ITIH5: variants seen among roughly 807,000 people sequenced by gnomAD.
The protein encoded by ITIH5 is inter-alpha-trypsin inhibitor heavy chain H5.
A neutral mutation model predicts 77.5 loss-of-function variants in ITIH5; 65 were observed. The observed-to-expected ratio is 0.84, with a 90% CI of 0.69 to 1.03. ITIH5 has a LOEUF of 1.03. Ranked by LOEUF, ITIH5 falls within the 50% of genes least tolerant of loss-of-function variation. The pLI is 0.00. For synonymous variants in ITIH5, 525 were observed against 494.3 expected, an observed-to-expected ratio of 1.06 and a Z score of -0.82; for missense variants, 1,208 against 1,213.1, an observed-to-expected ratio of 1.00 and a Z score of 0.06.
intron 5 of ITIH5, among the ~76,000 whole-genome samples, chr10:7,632,545 AT>A (rs1048778704): frequency 9.9e-5 from 15 of 152,248 alleles, no homozygotes; most frequent in African/African-American, 3.4e-4. Flanking sequence ...GCAGAAAAAA[AT>A]AATCAGCATT....
Position 7,586,035 on chromosome 10 carries a change from A to C in ITIH5, c.974T>G (p.Leu325Arg), listed in dbSNP as rs1564245689. 6.2e-7 allele frequency: 1 copy of C among 1,613,756 alleles called. No individual in the cohort carries two copies. Among genetic ancestry groups the C allele is most frequent in the Admixed American group, 1.7e-5 (1 of 59,948 alleles). ...GATACTGAAACGGTCCTGGGGTCGGAGGTCATGGAGAATTGTGAAGAGGGC... is the reference window on the plus strand; with the variant it reads ...GATACTGAAACGGTCCTGGGGTCGGCGGTCATGGAGAATTGTGAAGAGGGC... ...KDALFTILHD[L>R]RPQDRFSIIG... The change falls in exon 8 of 14, where the codon CTC (leucine) becomes CGC (arginine). Residue 325 changes from leucine (L) to arginine (R), a missense_variant. Transcript: ENST00000397146.
intron 1 of ITIH5, among the ~76,000 whole-genome samples, chr10:7,662,914 T>TCC (rs569303860): frequency 1.1e-4 from 17 of 151,952 alleles, no homozygotes; most frequent in Non-Finnish European, 1.8e-4. Flanking sequence ...GTTGTTTTTT[T>TCC]CCCCCCCAAA....
chr10:7,614,874 G>A (rs755638130), intron 7 of ITIH5, among the ~76,000 whole-genome samples: 19 of 152,174 alleles, frequency 1.2e-4, no homozygotes, highest in Non-Finnish European at 8.8e-5. Context: ...GGAGGTGGAC[G>A]CAGGTTGGAC....
In ITIH5 at chr10:7,628,954, C is replaced by T. The variant is rs1420232411; in HGVS notation, c.652+8274G>A. ...GTTTTCACATGTGTCCATGTTGTAGCGTGTGTCCGTGTTGTAGCATGTGTC... is the reference window on the plus strand; with the variant it reads ...GTTTTCACATGTGTCCATGTTGTAGTGTGTGTCCGTGTTGTAGCATGTGTC... On this transcript the variant is annotated intron_variant, in intron 5 of 13. Coordinates refer to ENST00000397146, the MANE Select transcript of ITIH5 (RefSeq NM_030569.7). Among the ~76,000 whole-genome samples, 17 of 131,484 alleles carry T rather than the reference C, an allele frequency of 1.3e-4. 3 individuals are homozygous for T. Among genetic ancestry groups the T allele is most frequent in the Non-Finnish European group, 2.1e-4 (12 of 58,534 alleles). 86.3% of individuals were successfully genotyped at this position (131,484 alleles called of 152,430 possible). A position where few individuals can be genotyped will look rare whatever the true frequency, so the allele number is the denominator to read the frequency against.
At chr10:7,626,975 C>A (rs751271024) in intron 5 of ITIH5, among the ~76,000 whole-genome samples, 2 of 152,196 alleles carry the variant, frequency 1.3e-5, no homozygotes, top group Non-Finnish European at 2.9e-5. Context: ...ACTGTCATAA[C>A]CAACAATTAT....
At chr10:7,604,114 C>A (rs1322034665) in intron 7 of ITIH5, among the ~76,000 whole-genome samples, 1 of 152,170 alleles carries the variant, frequency 6.6e-6, no homozygotes, top group African/African-American at 2.4e-5. Flanking sequence ...TTCCTTGATT[C>A]CATGGTAGTG....
At position 7,562,992 on chromosome 10, in the gene ITIH5, G is replaced by A; in HGVS notation, c.*91C>T. On this transcript the variant is annotated 3_prime_UTR_variant, in exon 14 of 14. Coordinates refer to ENST00000397146, the MANE Select transcript of ITIH5 (RefSeq NM_030569.7). ...CATGGAGTCCAGCTAATTGCCAGGAGCTGAGGCGTGTACAAGCCATGAAAA... is the reference window on the plus strand; with the variant it reads ...CATGGAGTCCAGCTAATTGCCAGGAACTGAGGCGTGTACAAGCCATGAAAA... The A allele has an allele frequency of 8.8e-7, 1 of 1,140,544 alleles. No homozygotes were observed. The highest frequency in any genetic ancestry group is 1.3e-6 in the Non-Finnish European group (1 of 759,180). The allele number at this position is 1,140,544 out of a possible 1,614,324, so 70.7% of individuals were successfully genotyped here.
chr10:7,644,348 A>T (rs201684527), intron 2 of ITIH5, among the ~76,000 whole-genome samples: 2,412 of 145,292 alleles, frequency 0.017, 41 homozygotes, highest in Non-Finnish European at 0.026. Flanking sequence ...CACATATATC[A>T]CATATATATC....
At chr10:7,630,536 A>T (rs1288987587) in intron 5 of ITIH5, among the ~76,000 whole-genome samples, 1 of 152,150 alleles carries the variant, frequency 6.6e-6, no homozygotes, top group Non-Finnish European at 1.5e-5. Context: ...GGGTGTGAGA[A>T]GTGGTTTTGG....
intron 5 of ITIH5, among the ~76,000 whole-genome samples, chr10:7,631,792 T>TA (rs1416709739): frequency 6.7e-6 from 1 of 150,334 alleles, no homozygotes; most frequent in African/African-American, 2.5e-5. Context: ...TTGTTTAATT[T>TA]TTTTTTTTTT....
At chr10:7,633,541 T>C (rs1833745217) in intron 5 of ITIH5, among the ~76,000 whole-genome samples, 2 of 152,188 alleles carry the variant, frequency 1.3e-5, no homozygotes, top group Admixed American at 1.3e-4. Flanking sequence ...AGGGTATAAC[T>C]TGGAATAAAA....
intron 8 of ITIH5, among the ~76,000 whole-genome samples, chr10:7,583,888 G>A (rs901643881): frequency 6.6e-6 from 1 of 152,160 alleles, no homozygotes; most frequent in African/African-American, 2.4e-5. Flanking sequence ...AAACAGACAG[G>A]AGCTGTCATC....
Position 7,617,226 on chromosome 10 carries a change from T to C in ITIH5, c.709A>G (p.Ile237Val), listed in dbSNP as rs1350091923. Residue 237 changes from isoleucine to valine, a missense_variant, in exon 6 of 14, where the codon ATA becomes GTA. Ile to Val is a conservative substitution (Grantham distance 29). Transcript: ENST00000397146. ...TGTACTACAGTAGGTTTAAAAATTA[T>C]GTTGGCAAATGTTTCATTTTGGTTA... Reference protein sequence around the residue: ...VINQNETFANIIFKPTVVQQA... With the variant: ...VINQNETFANVIFKPTVVQQA... 1 of 1,600,898 alleles carries C rather than the reference T, an allele frequency of 6.2e-7. No individual in the cohort carries two copies. Among genetic ancestry groups the C allele is most frequent in the East Asian group, 2.3e-5 (1 of 43,828 alleles).
chr10:7,585,268 G>A (rs1832648864), intron 8 of ITIH5, among the ~76,000 whole-genome samples: 1 of 152,176 alleles, frequency 6.6e-6, no homozygotes, highest in Non-Finnish European at 1.5e-5. Context: ...TTAACATCTA[G>A]GACAGCTGGT....
intron 7 of ITIH5, among the ~76,000 whole-genome samples, chr10:7,590,237 C>T (rs1444074381): frequency 6.6e-6 from 1 of 152,168 alleles, no homozygotes; most frequent in Non-Finnish European, 1.5e-5. Context: ...TGGTCCAAGG[C>T]GGAAGCCTGG....
intron 7 of ITIH5, among the ~76,000 whole-genome samples, chr10:7,597,790 CA>C (rs1832936309): frequency 6.6e-6 from 1 of 152,154 alleles, no homozygotes; most frequent in South Asian, 2.1e-4. Context: ...TACAAGATTA[CA>C]AAAACTTATT....
intron 5 of ITIH5, among the ~76,000 whole-genome samples, chr10:7,635,441 G>A (rs1439796596): frequency 6.6e-6 from 1 of 152,082 alleles, no homozygotes; most frequent in African/African-American, 2.4e-5. Flanking sequence ...TAACCATACA[G>A]CTACCACCTG....
intron 7 of ITIH5, among the ~76,000 whole-genome samples, chr10:7,601,139 T>C (rs1459318372): frequency 6.6e-6 from 1 of 152,202 alleles, no homozygotes; most frequent in Non-Finnish European, 1.5e-5. Flanking sequence ...ATTTTACTTA[T>C]CCATCTTTCT....
chr10:7,574,875 C>A lies in ITIH5; in HGVS notation c.1978+1578G>T, dbSNP rs564102442. ...CTCCTCCTCTGTCTTTCTGGCCCCC[C>A]GAGTCTTGTATGGTCCAGATCCGAT... On this transcript the variant is annotated intron_variant, in intron 10 of 13. Transcript: ENST00000397146. Among the ~76,000 whole-genome samples, 22 of 152,054 alleles carry A rather than the reference C, an allele frequency of 1.4e-4. No individual in the cohort carries two copies. The South Asian group carries it at 4.6e-3, about 32-fold the overall frequency.
Sources: allele counts gnomAD v4.1 joint callset (sites outside exome capture counted in the v4.1 genomes callset), GRCh38; gene constraint gnomAD v4.1.1; transcripts MANE v1.5; gene names NCBI Gene and HGNC (gene_info 2026-07-23, HGNC 2026-07-21).